XKR9: variants seen among roughly 807,000 people sequenced by gnomAD.
XKR9 encodes XK-related protein 9.
A neutral mutation model predicts 32.0 loss-of-function variants in XKR9; 32 were observed. The observed-to-expected ratio is 1.00, with a 90% CI of 0.76 to 1.34. The LOEUF (loss-of-function observed/expected upper bound fraction) is 1.34, where lower values mean the gene tolerates loss of function less well. Ranked by LOEUF, XKR9 falls within the 40% of genes most tolerant of loss-of-function variation. XKR9 has a pLI of 0.00. For missense variants in XKR9, 546 were observed against 429.7 expected (o/e 1.27, Z -2.39); for synonymous variants, 168 against 143.4 (o/e 1.17, Z -1.22).
the XKR9 span, among the ~76,000 whole-genome samples, chr8:71,039,771 A>G: frequency 6.6e-6 from 1 of 152,102 alleles, no homozygotes; most frequent in African/African-American, 2.4e-5. Flanking sequence ...TGATGTTTCT[A>G]CTTAGTTGCC....
chr8:71,039,558 C>G, the XKR9 span, among the ~76,000 whole-genome samples: 1 of 152,084 alleles, frequency 6.6e-6, no homozygotes, highest in African/African-American at 2.4e-5. Context: ...ATAGAGGATT[C>G]TACAAGGGTG....
At chr8:70,766,627 T>C (rs758162380) in intron 2 of XKR9, among the ~76,000 whole-genome samples, 7 of 152,212 alleles carry the variant, frequency 4.6e-5, no homozygotes, top group Non-Finnish European at 1.0e-4. Flanking sequence ...GAACTTCCAA[T>C]ACTATGTTTA....
chr8:70,781,427 T>C (rs149430717), intron 2 of XKR9, among the ~76,000 whole-genome samples: 1 of 152,038 alleles, frequency 6.6e-6, no homozygotes, highest in South Asian at 2.1e-4. Context: ...TAATTGTATA[T>C]ATTTATGGGA....
chr8:70,919,019 C>T, the XKR9 span, among the ~76,000 whole-genome samples: 2 of 152,052 alleles, frequency 1.3e-5, no homozygotes, highest in South Asian at 4.2e-4. Context: ...CCTCGTGATC[C>T]ACCCACCTCT....
chr8:70,807,002 AG>A, the XKR9 span, among the ~76,000 whole-genome samples: 2 of 152,310 alleles, frequency 1.3e-5, no homozygotes, highest in African/African-American at 2.4e-5. Flanking sequence ...AAAAATGTTA[AG>A]GGCAGCCAGA....
the XKR9 span, among the ~76,000 whole-genome samples, chr8:70,860,149 C>G: frequency 6.6e-6 from 1 of 152,058 alleles, no homozygotes; most frequent in Admixed American, 6.6e-5. Flanking sequence ...CCCTGACAAA[C>G]CCCTATCATC....
chr8:70,702,543 C>T (rs34722348), intron 3 of XKR9, among the ~76,000 whole-genome samples: 17,734 of 152,038 alleles, frequency 0.12, 1,277 homozygotes, highest in African/African-American at 0.19. Context: ...ACTGAGAATG[C>T]GGATTTATCT....
intron 2 of XKR9, among the ~76,000 whole-genome samples, chr8:70,757,777 G>C (rs897720649): frequency 6.6e-6 from 1 of 152,084 alleles, no homozygotes; most frequent in Non-Finnish European, 1.5e-5. Context: ...AGTAGAGACA[G>C]GATTTCGCCA....
the XKR9 span, among the ~76,000 whole-genome samples, chr8:71,022,463 A>G: frequency 1.3e-5 from 2 of 152,084 alleles, no homozygotes; most frequent in Non-Finnish European, 1.5e-5. Flanking sequence ...ATCCTGGCCT[A>G]TAAGGTTTCT....
intron 2 of XKR9, chr8:70,781,151 C>T (rs1266933823): frequency 2.0e-5 from 3 of 151,956 alleles, no homozygotes; most frequent in Non-Finnish European, 4.4e-5. Context: ...ATTTGCATTT[C>T]TTTAGCAACT....
the XKR9 span, among the ~76,000 whole-genome samples, chr8:70,814,980 C>G: frequency 2.0e-5 from 3 of 152,096 alleles, no homozygotes; most frequent in African/African-American, 7.2e-5. Context: ...ATCAAGAAGG[C>G]CATACTATTT....
the XKR9 span, among the ~76,000 whole-genome samples, chr8:71,014,764 C>A: frequency 6.6e-6 from 1 of 151,996 alleles, no homozygotes; most frequent in Admixed American, 6.5e-5. Flanking sequence ...AGAGTGTACT[C>A]AACAAATGTC....
chr8:70,713,011 G>A (rs1586846259), intron 4 of XKR9, among the ~76,000 whole-genome samples: 1 of 152,182 alleles, frequency 6.6e-6, no homozygotes, highest in East Asian at 1.9e-4. Context: ...ATTACCAGAT[G>A]CAAAGTATAA....
the XKR9 span, among the ~76,000 whole-genome samples, chr8:70,963,553 A>G: frequency 2.6e-5 from 4 of 152,212 alleles, no homozygotes; most frequent in Non-Finnish European, 5.9e-5. Flanking sequence ...ATTGTCTTCC[A>G]CAATGGTTGA....
the XKR9 span, among the ~76,000 whole-genome samples, chr8:70,872,583 C>A: frequency 6.6e-6 from 1 of 152,160 alleles, no homozygotes; most frequent in Non-Finnish European, 1.5e-5. Flanking sequence ...AGGACTTTCA[C>A]AGATATAAAG....
At chr8:70,768,286 CTGTT>C (rs746657870) in intron 2 of XKR9, among the ~76,000 whole-genome samples, 14 of 152,114 alleles carry the variant, frequency 9.2e-5, no homozygotes, top group Non-Finnish European at 1.8e-4. Flanking sequence ...GTCTGAGAGA[CTGTT>C]TGTTATGATT....
chr8:70,845,360 A>T, the XKR9 span, among the ~76,000 whole-genome samples: 1 of 152,262 alleles, frequency 6.6e-6, no homozygotes, highest in East Asian at 1.9e-4. Context: ...GTATCAGTGA[A>T]AAGACACAAG....
the XKR9 span, among the ~76,000 whole-genome samples, chr8:70,954,589 A>G: frequency 4.6e-5 from 7 of 152,230 alleles, no homozygotes; most frequent in African/African-American, 1.4e-4. Context: ...TCATTATCCA[A>G]GGATCTGAGG....
At chr8:70,944,120 T>C in the XKR9 span, among the ~76,000 whole-genome samples, 3 of 150,152 alleles carry the variant, frequency 2.0e-5, no homozygotes, top group Middle Eastern at 3.2e-3. Flanking sequence ...TTCTCAGAGA[T>C]TGAGAAAGTT....
Sources: gnomAD v4.1 joint callset for allele counts (sites outside exome capture counted in the v4.1 genomes callset) on GRCh38, gnomAD v4.1.1 for gene constraint, MANE v1.5 for transcripts, NCBI Gene and HGNC (gene_info 2026-07-23, HGNC 2026-07-21) for gene names.